DISP1: variants seen among roughly 807,000 people sequenced by gnomAD.
The protein encoded by DISP1 is protein dispatched homolog 1.
In DISP1, 30 loss-of-function variants were observed where a neutral mutation model predicts 37.3. The ratio of observed to expected loss-of-function variants is 0.80; its 90% CI spans 0.60 to 1.09. The LOEUF is 1.09. Among genes scored for constraint, DISP1 ranks in the 50% least tolerant of loss-of-function variants. The pLI is 0.00. For synonymous variants in DISP1, 634 were observed against 690.2 expected, an observed-to-expected ratio of 0.92 and a Z score of 1.28; for missense variants, 1,598 against 1,879.5, an observed-to-expected ratio of 0.85 and a Z score of 2.77.
intron 1 of DISP1, among the ~76,000 whole-genome samples, chr1:222,871,062 G>A (rs1042554470): frequency 5.9e-5 from 9 of 152,086 alleles, no homozygotes; most frequent in Non-Finnish European, 1.2e-4. Flanking sequence ...TTTCCCCATT[G>A]CTTGTTTTTG....
Position 223,004,060 on chromosome 1 carries a change from T to A in DISP1, c.2663T>A (p.Leu888Gln). ...SFPYKQEIFE[L>Q]CIKRAIMELE... Reference sequence around the variant, plus strand: ...CCCTACAAGCAAGAGATTTTTGAACTGTGCATCAAGAGAGCTATCATGGAG... The same window carrying A: ...CCCTACAAGCAAGAGATTTTTGAACAGTGCATCAAGAGAGCTATCATGGAG... The change falls in exon 9 of 9, where the codon CTG becomes CAG. Residue 888 changes from leucine (L) to glutamine (Q), a missense_variant. By Grantham distance (113) the Leu-to-Gln change is moderately radical. Transcript: ENST00000675850. This position sits in a 1 kb window ranked among gnomAD's most constrained non-coding sequence, Gnocchi z 4.9. 6.2e-7 allele frequency: 1 copy of A among 1,614,190 alleles called. No individual in the cohort carries two copies. Among genetic ancestry groups the A allele is most frequent in the Non-Finnish European group, 8.5e-7 (1 of 1,180,028 alleles).
At chr1:222,992,783 T>C (rs1449207914) in intron 7 of DISP1, among the ~76,000 whole-genome samples, 1 of 151,888 alleles carries the variant, frequency 6.6e-6, no homozygotes, top group African/African-American at 2.4e-5. Flanking sequence ...AATCGGCTGC[T>C]ACTTAGCCGC....
chr1:222,973,099 T>G (rs1572664309), intron 3 of DISP1, among the ~76,000 whole-genome samples: 1 of 152,200 alleles, frequency 6.6e-6, no homozygotes, highest in East Asian at 1.9e-4. Context: ...TCATCTAAAT[T>G]AGAGTTAGCC....
intron 4 of DISP1, among the ~76,000 whole-genome samples, chr1:222,985,872 C>CT (rs569656013): frequency 3.4e-4 from 51 of 151,170 alleles, no homozygotes; most frequent in Non-Finnish European, 5.6e-4. Context: ...ATATTCTTTT[C>CT]TTTTTTTTTA....
chr1:222,819,453 C>T (rs1662172544), intron 1 of DISP1, among the ~76,000 whole-genome samples: 1 of 151,696 alleles, frequency 6.6e-6, no homozygotes, highest in Non-Finnish European at 1.5e-5. Flanking sequence ...AATTTAATGG[C>T]CCCTCCACTC....
At position 222,942,834 on chromosome 1, in the gene DISP1, G is replaced by A. The variant is rs1226758143; in HGVS notation, c.11G>A (p.Ser4Asn). Reference protein sequence around the residue: MAMSNGNNDFVVLS... With the variant: MAMNNGNNDFVVLS... ...TCAAGAAATTGGAGCATGGCTATGAGCAATGGAAACAATGATTTTGTGGTT... is the reference window on the plus strand; with the variant it reads ...TCAAGAAATTGGAGCATGGCTATGAACAATGGAAACAATGATTTTGTGGTT... Residue 4 changes from serine to asparagine, a missense_variant, in exon 3 of 9, where the codon AGC becomes AAC. Coordinates refer to ENST00000675850, the MANE Select transcript of DISP1 (RefSeq NM_001377229.1). 9 of 1,614,008 alleles carry A rather than the reference G, an allele frequency of 5.6e-6. No individual in the cohort carries two copies. The highest frequency in any genetic ancestry group is 7.6e-6 in the Non-Finnish European group (9 of 1,180,014).
chr1:222,937,613 C>T (rs895646969), intron 2 of DISP1, among the ~76,000 whole-genome samples: 2 of 151,868 alleles, frequency 1.3e-5, no homozygotes, highest in Non-Finnish European at 2.9e-5. Context: ...CCTTGTAGCC[C>T]CAAAATTGCT....
At chr1:222,949,707 A>G (rs1417342528) in intron 3 of DISP1, among the ~76,000 whole-genome samples, 2 of 151,956 alleles carry the variant, frequency 1.3e-5, no homozygotes, top group East Asian at 3.9e-4. Context: ...GCTCACTGCA[A>G]CCTCCACCTC....
rs4385718 is a variant in DISP1, at chr1:222,933,798, A to T, written c.-18+5228A>T. Reference sequence around the variant, plus strand: ...ATAAGAAAATGTAATTTGTCTCAGGAGGGAAGAAGATTATATTTCTTTATT... The same window carrying T: ...ATAAGAAAATGTAATTTGTCTCAGGTGGGAAGAAGATTATATTTCTTTATT... On this transcript the variant is annotated intron_variant, in intron 2 of 8. Coordinates refer to ENST00000675850, the MANE Select transcript of DISP1 (RefSeq NM_001377229.1). Among the ~76,000 whole-genome samples, 422 of 152,090 alleles carry T rather than the reference A, an allele frequency of 2.8e-3. 1 individual carries two copies. The highest frequency in any genetic ancestry group is 0.017 in the Middle Eastern group (5 of 294).
Position 223,003,289 on chromosome 1 carries a change from G to T in DISP1, c.1892G>T (p.Arg631Leu), listed in dbSNP as rs368949985. ...TATGTTAGCAACATTACAGCAATCCGATGCTTTGGGGTTTATGCGGGGACA... is the reference window on the plus strand; with the variant it reads ...TATGTTAGCAACATTACAGCAATCCTATGCTTTGGGGTTTATGCGGGGACA... ...ANYVSNITAI[R>L]CFGVYAGTAI... The change falls in exon 9 of 9, where the codon CGA becomes CTA. Residue 631 changes from arginine (R) to leucine (L), a missense_variant. Arg to Leu is a moderately radical substitution (Grantham distance 102). Coordinates refer to ENST00000675850, the MANE Select transcript of DISP1 (RefSeq NM_001377229.1). This position sits in a 1 kb window ranked among gnomAD's most constrained non-coding sequence, Gnocchi z 4.3. 1.2e-6 allele frequency: 2 copies of T among 1,614,170 alleles called. No homozygotes were observed. Among genetic ancestry groups the T allele is most frequent in the Non-Finnish European group, 1.7e-6 (2 of 1,180,028 alleles).
In DISP1 at chr1:222,992,075, A is replaced by G. The variant is rs753705345; in HGVS notation, c.854A>G (p.Asn285Ser). The G allele has an allele frequency of 2.0e-5, 33 of 1,614,006 alleles. No homozygotes were observed. Among genetic ancestry groups the G allele is most frequent in the Non-Finnish European group, 2.7e-5 (32 of 1,179,922 alleles). Residue 285 changes from asparagine (N) to serine (S), a missense_variant, in exon 7 of 9, where the codon AAC (asparagine) becomes AGC (serine). Coordinates refer to ENST00000675850, the MANE Select transcript of DISP1 (RefSeq NM_001377229.1). ...YEREKREVDW[N>S]FHKDSFFCDV... ...AGAGAGAAAAGAGAAGTTGACTGGA[A>G]CTTCCACAAGGACAGCTTTTTCTGC...
intron 1 of DISP1, among the ~76,000 whole-genome samples, chr1:222,886,464 C>T (rs1670608302): frequency 6.6e-6 from 1 of 152,194 alleles, no homozygotes; most frequent in Admixed American, 6.5e-5. Context: ...GATAAAGCTC[C>T]ACTGACTCTA....
intron 1 of DISP1, among the ~76,000 whole-genome samples, chr1:222,828,477 C>T (rs1381029754): frequency 6.6e-6 from 1 of 152,132 alleles, no homozygotes; most frequent in East Asian, 1.9e-4. Context: ...ATCTTTCAGC[C>T]CCAGAAATAA....
chr1:222,944,067 C>T (rs188272485), intron 3 of DISP1, among the ~76,000 whole-genome samples: 1 of 152,172 alleles, frequency 6.6e-6, no homozygotes, highest in Non-Finnish European at 1.5e-5. Context: ...CAAAAAAACA[C>T]CTTGCCTCCT....
intron 1 of DISP1, among the ~76,000 whole-genome samples, chr1:222,878,444 C>G (rs921068880): frequency 6.6e-6 from 1 of 152,156 alleles, no homozygotes; most frequent in African/African-American, 2.4e-5. Flanking sequence ...GTTGTACATA[C>G]TGGAATCTAT....
At chr1:222,845,302 C>G (rs1667838149) in intron 1 of DISP1, among the ~76,000 whole-genome samples, 1 of 152,116 alleles carries the variant, frequency 6.6e-6, no homozygotes, top group African/African-American at 2.4e-5. Context: ...GTTCATTTGT[C>G]ATCCTAAAGT....
Position 223,003,655 on chromosome 1 carries a change from A to G in DISP1, c.2258A>G (p.Gln753Arg). Reference protein sequence around the residue: ...KLPSLELSEFQVFRSSHPFER... With the variant: ...KLPSLELSEFRVFRSSHPFER... ...CCCTCACTGGAGTTATCCGAGTTCC[A>G]GGTGTTCCGGTCGTCCCATCCTTTT... The change falls in exon 9 of 9, where the codon CAG (glutamine) becomes CGG (arginine). Residue 753 changes from glutamine (Q) to arginine (R), a missense_variant. Physicochemically the swap from Gln to Arg is conservative, Grantham distance 43. Coordinates refer to ENST00000675850, the MANE Select transcript of DISP1 (RefSeq NM_001377229.1). This position sits in a 1 kb window ranked among gnomAD's most constrained non-coding sequence, Gnocchi z 4.3. The G allele has an allele frequency of 1.2e-6, 2 of 1,614,192 alleles. No individual in the cohort carries two copies. Among genetic ancestry groups the G allele is most frequent in the Non-Finnish European group, 8.5e-7 (1 of 1,180,034 alleles).
At chr1:222,998,560 G>A (rs954006380) in intron 8 of DISP1, among the ~76,000 whole-genome samples, 1 of 152,228 alleles carries the variant, frequency 6.6e-6, no homozygotes, top group Non-Finnish European at 1.5e-5. Context: ...AGAAATGCTT[G>A]TTTCCTTACA....
chr1:222,825,547 C>G (rs1280129368), intron 1 of DISP1, among the ~76,000 whole-genome samples: 6 of 145,468 alleles, frequency 4.1e-5, no homozygotes, highest in Admixed American at 2.1e-4. Context: ...GTCACCCAGG[C>G]TAGAGTGCAG....
Sources: gnomAD v4.1 joint callset for allele counts (sites outside exome capture counted in the v4.1 genomes callset) on GRCh38, gnomAD v4.1.1 for gene constraint, Gnocchi (gnomAD v3.1) non-coding constraint, MANE v1.5 for transcripts, NCBI Gene and HGNC (gene_info 2026-07-23, HGNC 2026-07-21) for gene names.